The following PLEKHH2 variants were observed in gnomAD, a reference collection of about 807,000 sequenced individuals.
PLEKHH2 encodes pleckstrin homology domain-containing family H member 2.
In PLEKHH2, 129 loss-of-function variants were observed where a neutral mutation model predicts 187.9. The ratio of observed to expected loss-of-function variants is 0.69; its 90% CI spans 0.59 to 0.79. The LOEUF is 0.79. Ranked by LOEUF, PLEKHH2 falls within the 30% of genes least tolerant of loss-of-function variation. PLEKHH2 has a pLI of 0.00. For missense variants in PLEKHH2, 2,076 were observed against 1,751.2 expected (o/e 1.19, Z -3.31); for synonymous variants, 686 against 605.6 (o/e 1.13, Z -1.95).
chr2:43,670,706 GC>G (rs1287613454), intron 2 of PLEKHH2, among the ~76,000 whole-genome samples: 20 of 151,416 alleles, frequency 1.3e-4, no homozygotes, highest in African/African-American at 2.9e-4. Context: ...CTTAATTTGT[GC>G]AGAAAGGCCT....
At chr2:43,701,753 T>C (rs1053896975) in intron 8 of PLEKHH2, among the ~76,000 whole-genome samples, 5 of 146,726 alleles carry the variant, frequency 3.4e-5, no homozygotes, top group African/African-American at 1.3e-4. Flanking sequence ...AATGAAATGA[T>C]CTGTTTAATT....
At chr2:43,748,150 G>T (rs1207372461) in intron 24 of PLEKHH2, among the ~76,000 whole-genome samples, 1 of 152,220 alleles carries the variant, frequency 6.6e-6, no homozygotes, top group Non-Finnish European at 1.5e-5. Context: ...CTGTTGATCT[G>T]AATAAATGGT....
chr2:43,755,044 C>T (rs572203014), intron 25 of PLEKHH2, among the ~76,000 whole-genome samples: 3 of 151,784 alleles, frequency 2.0e-5, no homozygotes, highest in Non-Finnish European at 4.4e-5. Context: ...TGCTAATTTT[C>T]GTATTTTTAG....
chr2:43,652,062 G>A (rs962593357), intron 2 of PLEKHH2, among the ~76,000 whole-genome samples: 1 of 152,166 alleles, frequency 6.6e-6, no homozygotes. Flanking sequence ...CTTTTCTTTA[G>A]TGTGAGAGGG....
chr2:43,637,555 A>C (rs1027336388), intron 1 of PLEKHH2, among the ~76,000 whole-genome samples, 176 bp downstream of exon 1: 2 of 151,852 alleles, frequency 1.3e-5, no homozygotes, highest in East Asian at 1.9e-4. Context: ...CCGCCGCTGC[A>C]CCTCCCGCCA....
At chr2:43,760,185 G>A (rs946571944) in intron 27 of PLEKHH2, among the ~76,000 whole-genome samples, 1 of 151,998 alleles carries the variant, frequency 6.6e-6, no homozygotes, top group African/African-American at 2.4e-5. Context: ...CTGATAAAAT[G>A]TGCTTGCTGG....
At chr2:43,728,603 C>A (rs1670890712) in intron 17 of PLEKHH2, among the ~76,000 whole-genome samples, 1 of 149,704 alleles carries the variant, frequency 6.7e-6, no homozygotes. Flanking sequence ...ACTCTGTTGC[C>A]CAGGCTGGAG....
intron 2 of PLEKHH2, among the ~76,000 whole-genome samples, chr2:43,659,963 G>A (rs910347436): frequency 1.3e-5 from 2 of 152,126 alleles, no homozygotes; most frequent in Non-Finnish European, 2.9e-5. Context: ...AAATATATAT[G>A]ATTCCGTAAC....
At chr2:43,683,397 C>T (rs1241845441) in intron 3 of PLEKHH2, among the ~76,000 whole-genome samples, 1 of 152,014 alleles carries the variant, frequency 6.6e-6, no homozygotes, top group African/African-American at 2.4e-5. Flanking sequence ...CCTTGGCCTC[C>T]CAGAGTGCTG....
chr2:43,726,296 T>C lies in PLEKHH2; in HGVS notation c.2566T>C (p.Trp856Arg). Residue 856 changes from tryptophan to arginine, a missense_variant, in exon 17 of 30, where the codon TGG (tryptophan) becomes CGG (arginine). Physicochemically the swap from Trp to Arg is moderately radical, Grantham distance 101 (BLOSUM62 -3). Coordinates refer to ENST00000282406, the MANE Select transcript of PLEKHH2 (RefSeq NM_172069.4). Reference protein sequence around the residue: ...DKFPLGQIKLWEAKVEEVDRS... With the variant: ...DKFPLGQIKLREAKVEEVDRS... Reference sequence around the variant, plus strand: ...GTTTCCTTTAGGTCAGATCAAACTCTGGGAGGCTAAAGTGGAAGAGGTTGA... The same window carrying C: ...GTTTCCTTTAGGTCAGATCAAACTCCGGGAGGCTAAAGTGGAAGAGGTTGA... 6.2e-7 allele frequency: 1 copy of C among 1,611,712 alleles called. No individual in the cohort carries two copies. Among genetic ancestry groups the C allele is most frequent in the Non-Finnish European group, 8.5e-7 (1 of 1,177,874 alleles).
chr2:43,728,163 T>C (rs1001493613), intron 17 of PLEKHH2, among the ~76,000 whole-genome samples: 3 of 152,126 alleles, frequency 2.0e-5, no homozygotes, highest in African/African-American at 7.2e-5. Context: ...TGACTCATAA[T>C]TCTATTTCAA....
At chr2:43,708,451 C>T (rs1669782958) in intron 11 of PLEKHH2, among the ~76,000 whole-genome samples, 1 of 152,176 alleles carries the variant, frequency 6.6e-6, no homozygotes, top group African/African-American at 2.4e-5. Context: ...CCTAGATGTC[C>T]GTATAGCTGA....
rs762505777 is a variant in PLEKHH2 at position 43,726,272 on chromosome 2, T to C, written c.2542T>C (p.Phe848Leu). The C allele has an allele frequency of 1.3e-6, 2 of 1,592,672 alleles. No individual in the cohort carries two copies. The highest frequency in any genetic ancestry group is 1.1e-5 in the South Asian group (1 of 89,458). The change falls in exon 17 of 30, where the codon TTT becomes CTT. Residue 848 changes from phenylalanine to leucine, a missense_variant and splice_region_variant. Phe to Leu is a conservative substitution (Grantham distance 22, BLOSUM62 0). Coordinates refer to ENST00000282406, the MANE Select transcript of PLEKHH2 (RefSeq NM_172069.4). ...TCACAATTACTAATATTTACTTTAG[T>C]TTCCTTTAGGTCAGATCAAACTCTG... ...LYYFRSQEDK[F>L]PLGQIKLWEA...
chr2:43,727,508 C>G (rs1285060240), intron 17 of PLEKHH2, among the ~76,000 whole-genome samples: 1 of 151,622 alleles, frequency 6.6e-6, no homozygotes, highest in Non-Finnish European at 1.5e-5. Context: ...TTATTTATGT[C>G]AAATATTATC....
intron 2 of PLEKHH2, among the ~76,000 whole-genome samples, chr2:43,659,896 A>G (rs1406020070): frequency 1.3e-5 from 2 of 152,144 alleles, no homozygotes; most frequent in Non-Finnish European, 2.9e-5. Flanking sequence ...TGGTCAAGTT[A>G]ATTGAGTACA....
chr2:43,679,176 A>G (rs1363769802), intron 3 of PLEKHH2, among the ~76,000 whole-genome samples: 1 of 152,224 alleles, frequency 6.6e-6, no homozygotes, highest in Non-Finnish European at 1.5e-5. Flanking sequence ...TATGACTTTT[A>G]TGGTAATACT....
intron 2 of PLEKHH2, among the ~76,000 whole-genome samples, chr2:43,669,356 A>G (rs1199316095): frequency 6.6e-6 from 1 of 152,170 alleles, no homozygotes; most frequent in African/African-American, 2.4e-5. Flanking sequence ...TTTTAGGGGG[A>G]GGGTGATAGA....
At chr2:43,669,891 T>C (rs1667414430) in intron 2 of PLEKHH2, among the ~76,000 whole-genome samples, 1 of 151,914 alleles carries the variant, frequency 6.6e-6, no homozygotes, top group African/African-American at 2.4e-5. Flanking sequence ...ATGACTAGTA[T>C]TGAAGATAAG....
intron 2 of PLEKHH2, chr2:43,675,010 T>A (rs1396986039): frequency 1.2e-5 from 2 of 160,938 alleles, no homozygotes; most frequent in African/African-American, 4.8e-5. Flanking sequence ...TGCTGCCATG[T>A]GGACAGGCAG....
Sources: gnomAD v4.1 joint callset for allele counts (sites outside exome capture counted in the v4.1 genomes callset) on GRCh38, gnomAD v4.1.1 for gene constraint, MANE v1.5 for transcripts, NCBI Gene and HGNC (gene_info 2026-07-23, HGNC 2026-07-21) for gene names.